Variants in GZF1 observed in about 807,000 individuals in gnomAD.
GZF1 encodes GDNF inducible zinc finger protein 1.
GZF1 carries 28 observed loss-of-function variants against 49.4 expected under a neutral mutation model. That is an observed-to-expected ratio of 0.57 (90% CI 0.42 to 0.78). The LOEUF is 0.78. GZF1 is among the 30% of genes least tolerant of loss of function. The pLI is 0.00. For missense variants in GZF1, 798 were observed against 916.2 expected (o/e 0.87, Z 1.67); for synonymous variants, 364 against 356.0 (o/e 1.02, Z -0.25).
In GZF1 at chr20:23,366,139, C is replaced by G. The variant is rs80014998; in HGVS notation, c.1364+392C>G. The stretch of plus-strand genomic sequence containing the variant: ...TAGAGACCTCAGTGAGATGCCATTT[C>G]AGGCTTTAGGACTCGTCTCTGGTCT... On this transcript the variant is annotated intron_variant, in intron 2 of 5. Transcript: ENST00000338121. 3.0e-3 allele frequency among the ~76,000 whole-genome samples: 454 copies of G among 152,338 alleles called. 3 individuals are homozygous for G. The highest frequency in any genetic ancestry group is 0.01 in the African/African-American group (430 of 41,580).
rs762327376 is a variant in GZF1, at chr20:23,370,309, A to C, written c.2004A>C (p.Thr668=). The C allele has an allele frequency of 1.2e-6, 2 of 1,614,130 alleles. No homozygotes were observed. The highest frequency in any genetic ancestry group is 2.2e-5 in the South Asian group (2 of 91,084). The change falls in exon 6 of 6, where the codon ACA becomes ACC. Residue 668 remains threonine, a synonymous_variant. Coordinates refer to ENST00000338121, the MANE Select transcript of GZF1 (RefSeq NM_022482.5). The part of the protein sequence containing the change: ...PTMQENSSAD[T]ACKADDSVVS... ...TGCAGGAGAACAGTTCTGCTGACACAGCCTGCAAGGCAGATGACTCCGTGG... is the reference window on the plus strand; with the variant it reads ...TGCAGGAGAACAGTTCTGCTGACACCGCCTGCAAGGCAGATGACTCCGTGG...
chr20:23,365,442 C>T lies in GZF1; in HGVS notation c.1059C>T (p.Cys353=), dbSNP rs569154309. The T allele has an allele frequency of 1.2e-6, 2 of 1,613,736 alleles. No homozygotes were observed. Among genetic ancestry groups the T allele is most frequent in the African/African-American group, 1.3e-5 (1 of 75,082 alleles). ...ATEVVYRCDT[C]GQTFANRCNL... is the part of the protein sequence containing the mutation. The stretch of plus-strand genomic sequence containing the variant: ...AGGTGGTGTACCGCTGCGACACCTG[C>T]GGCCAGACCTTCGCCAACCGCTGCA... Residue 353 remains cysteine (C), a synonymous_variant, in exon 2 of 6, where the codon TGC becomes TGT. Coordinates refer to ENST00000338121, the MANE Select transcript of GZF1 (RefSeq NM_022482.5).
rs1407224019 is a variant in GZF1, at chr20:23,370,402, G to A, written c.2097G>A (p.Ser699=). ...ELSELTPQTD[S]MPTQLHSLSN... is the part of the protein sequence containing the mutation. Reference sequence around the variant, plus strand: ...GCGAGCTGACCCCACAGACAGACTCGATGCCCACACAGCTTCACTCTTTGA... The same window carrying A: ...GCGAGCTGACCCCACAGACAGACTCAATGCCCACACAGCTTCACTCTTTGA... Residue 699 remains serine (S), a synonymous_variant, in exon 6 of 6, where the codon TCG becomes TCA. Transcript: ENST00000338121. The A allele has an allele frequency of 2.5e-6, 4 of 1,613,776 alleles. No individual in the cohort carries two copies. Among genetic ancestry groups the A allele is most frequent in the Admixed American group, 1.7e-5 (1 of 60,000 alleles).
In GZF1 at chr20:23,370,605, T is replaced by C. The variant is rs1981985083; in HGVS notation, c.*164T>C. The C allele has an allele frequency of 3.3e-6, 2 of 600,898 alleles. No individual in the cohort carries two copies. The highest frequency in any genetic ancestry group is 4.2e-5 in the South Asian group (2 of 47,676). 37.2% of individuals were successfully genotyped at this position (600,898 alleles called of 1,614,324 possible). A position where few individuals can be genotyped will look rare whatever the true frequency, so the allele number is the denominator to read the frequency against. On this transcript the variant is annotated 3_prime_UTR_variant, in exon 6 of 6. Transcript: ENST00000338121. ...TAACTTGCACGGCTTTATCACAGCATTTTTAAAGCTTTCCCTCAAAAATCC... is the reference window on the plus strand; with the variant it reads ...TAACTTGCACGGCTTTATCACAGCACTTTTAAAGCTTTCCCTCAAAAATCC...
intron 1 of GZF1, among the ~76,000 whole-genome samples, chr20:23,364,125 C>T (rs1981011405): frequency 6.6e-6 from 1 of 152,220 alleles, no homozygotes. Context: ...ATTTGTTTAT[C>T]ACTGGAGGAA....
intron 3 of GZF1, 52 bp downstream of exon 3, chr20:23,367,149 A>T (rs759794696): frequency 2.3e-6 from 3 of 1,284,290 alleles, no homozygotes; most frequent in Non-Finnish European, 3.4e-6. Context: ...CTAGAAGGAA[A>T]TGCAATTGAT....
chr20:23,364,303 A>G (rs1981033508), intron 1 of GZF1, 60 bp from the exon 2 acceptor site: 1 of 966,134 alleles, frequency 1.0e-6, no homozygotes, highest in African/African-American at 1.6e-5. Context: ...GAATCCTCAT[A>G]AATTTTAGTC....
At chr20:23,361,734 G>C (rs1033613821), upstream of GZF1, among the ~76,000 whole-genome samples, 1 of 152,228 alleles carries the variant, frequency 6.6e-6, no homozygotes, top group Non-Finnish European at 1.5e-5. Context: ...GGGTGCGCTC[G>C]GCCTCGGGGA....
chr20:23,361,334 TTTAG>T (rs1218585596), upstream of GZF1, among the ~76,000 whole-genome samples: 1 of 152,188 alleles, frequency 6.6e-6, no homozygotes, highest in Non-Finnish European at 1.5e-5. Flanking sequence ...CAAAGCGGGC[TTTAG>T]TTAGTATTGA....
intron 1 of GZF1, among the ~76,000 whole-genome samples, chr20:23,363,639 A>G (rs1318338502): frequency 6.6e-6 from 1 of 152,206 alleles, no homozygotes; most frequent in Non-Finnish European, 1.5e-5. Context: ...TATGTGTGGG[A>G]AACCAATAAA....
At chr20:23,363,661 G>A (rs1036608966) in intron 1 of GZF1, among the ~76,000 whole-genome samples, 6 of 152,212 alleles carry the variant, frequency 3.9e-5, no homozygotes, top group African/African-American at 7.2e-5. Flanking sequence ...TAGCCAACAA[G>A]TTTCAGGCTC....
rs770916261 is a variant in GZF1, at chr20:23,365,158, A to C, written c.775A>C (p.Arg259=). The change falls in exon 2 of 6, where the codon AGG becomes CGG. Residue 259 remains arginine (R), a synonymous_variant. Coordinates refer to ENST00000338121, the MANE Select transcript of GZF1 (RefSeq NM_022482.5). ...TGCTGAGGGTGATGTGGGGGACTAC[A>C]GGTGTCCCCAGGACCAAAGCCCGGA... ...KTAEGDVGDY[R]CPQDQSPDRV... 2.5e-6 allele frequency: 4 copies of C among 1,613,774 alleles called. No individual in the cohort carries two copies. Among genetic ancestry groups the C allele is most frequent in the Non-Finnish European group, 3.4e-6 (4 of 1,179,936 alleles).
At position 23,365,664 on chromosome 20, in the gene GZF1, C is replaced by G; in HGVS notation, c.1281C>G (p.Arg427=). The part of the protein sequence containing the change: ...SSKTALRLHE[R]THTGDRPYGC... The stretch of plus-strand genomic sequence containing the variant: ...AGACAGCGCTGCGGCTGCACGAGCG[C>G]ACACACACGGGAGACCGGCCCTACG... Residue 427 remains arginine (R), a synonymous_variant, in exon 2 of 6, where the codon CGC becomes CGG. Transcript: ENST00000338121. The G allele has an allele frequency of 6.3e-7, 1 of 1,599,564 alleles. No individual in the cohort carries two copies. The highest frequency in any genetic ancestry group is 1.7e-5 in the Admixed American group (1 of 59,836).
intron 3 of GZF1, among the ~76,000 whole-genome samples, chr20:23,368,457 A>G (rs1023885368): frequency 6.6e-6 from 1 of 152,214 alleles, no homozygotes; most frequent in Non-Finnish European, 1.5e-5. Context: ...AGAAGTTGTG[A>G]AATTATTTTC....
chr20:23,370,530 T>A lies in GZF1; in HGVS notation c.*89T>A. 1 of 874,652 alleles carries A rather than the reference T, an allele frequency of 1.1e-6. No individual in the cohort carries two copies. The highest frequency in any genetic ancestry group is 1.8e-6 in the Non-Finnish European group (1 of 548,862). The allele number at this position is 874,652 out of a possible 1,614,324, so 54.2% of individuals were successfully genotyped here. A position where few individuals can be genotyped will look rare whatever the true frequency, so the allele number is the denominator to read the frequency against. ...GGGCTAAGAAAAATAATTGTCCATG[T>A]GCAAAGATGTGGGCAAGAATGGCCT... On this transcript the variant is annotated 3_prime_UTR_variant, in exon 6 of 6. Coordinates refer to ENST00000338121, the MANE Select transcript of GZF1 (RefSeq NM_022482.5).
chr20:23,369,276 C>T (rs1981781296), intron 4 of GZF1, among the ~76,000 whole-genome samples: 1 of 152,178 alleles, frequency 6.6e-6, no homozygotes, highest in African/African-American at 2.4e-5. Flanking sequence ...TGCACACATG[C>T]ATATTCAGTT....
Position 23,365,117 on chromosome 20 carries a change from G to C in GZF1, c.734G>C (p.Arg245Pro). The change falls in exon 2 of 6, where the codon CGA becomes CCA. Residue 245 changes from arginine (R) to proline (P), a missense_variant. Transcript: ENST00000338121. ...AAAAAGAAATATACGAGAAGACTCC[G>C]AGAGCAGCAGAAAACTGCTGAGGGT... ...IPKKKYTRRLREQQKTAEGDV... is the reference protein window; with the variant it reads ...IPKKKYTRRLPEQQKTAEGDV... The C allele has an allele frequency of 1.2e-6, 2 of 1,614,002 alleles. No individual in the cohort carries two copies. The highest frequency in any genetic ancestry group is 1.3e-5 in the African/African-American group (1 of 75,052).
rs1424594765 is a variant in GZF1, at chr20:23,372,859, G to C, written c.*2418G>C. 1.3e-5 allele frequency: 2 copies of C among 152,224 alleles called. No homozygotes were observed. Among genetic ancestry groups the C allele is most frequent in the Non-Finnish European group, 2.9e-5 (2 of 68,042 alleles). The allele number at this position is 152,224 out of a possible 1,614,324, so 9.4% of individuals were successfully genotyped here. A position where few individuals can be genotyped will look rare whatever the true frequency, so the allele number is the denominator to read the frequency against. On this transcript the variant is annotated 3_prime_UTR_variant, in exon 6 of 6. Coordinates refer to ENST00000338121, the MANE Select transcript of GZF1 (RefSeq NM_022482.5). ...ATGCTGTCAGCCCAAACTCCAAAGGGATGTGCAGCCTTTCGTTTTACCAAA... is the reference window on the plus strand; with the variant it reads ...ATGCTGTCAGCCCAAACTCCAAAGGCATGTGCAGCCTTTCGTTTTACCAAA...
chr20:23,361,596 G>GCGCCGCGCCC (rs879355593), upstream of GZF1, among the ~76,000 whole-genome samples: 1,133 of 152,294 alleles, frequency 7.4e-3, 7 homozygotes, highest in Non-Finnish European at 0.013. Context: ...GGAGAGCGCC[G>GCGCCGCGCCC]CGCCGAGCCC....
Sources: allele counts gnomAD v4.1 joint callset (sites outside exome capture counted in the v4.1 genomes callset), GRCh38; gene constraint gnomAD v4.1.1; transcripts MANE v1.5; gene names NCBI Gene and HGNC (gene_info 2026-07-23, HGNC 2026-07-21).